The following CAMTA1 variants were observed in gnomAD, a reference collection of about 807,000 sequenced individuals.
The protein encoded by CAMTA1 is calmodulin binding transcription activator 1, also known as calmodulin-binding transcription activator 1.
CAMTA1 carries 27 observed loss-of-function variants against 170.9 expected under a neutral mutation model. That is an observed-to-expected ratio of 0.16 (90% CI 0.12 to 0.22). The LOEUF is 0.22. Ranked by LOEUF, CAMTA1 falls within the 10% of genes least tolerant of loss-of-function variation. The pLI is 1.00. For missense variants in CAMTA1, 1,619 were observed against 2,217.2 expected, an observed-to-expected ratio of 0.73 and a Z score of 5.42; for synonymous variants, 833 against 891.5, an observed-to-expected ratio of 0.93 and a Z score of 1.17.
At chr1:7,489,398 T>C (rs895339623) in intron 6 of CAMTA1, among the ~76,000 whole-genome samples, 14 of 152,140 alleles carry the variant, frequency 9.2e-5, no homozygotes, top group African/African-American at 3.4e-4. Context: ...GGCAGCTCTT[T>C]AGAGAGAGGC....
intron 16 of CAMTA1, among the ~76,000 whole-genome samples, chr1:7,740,528 A>T (rs2096804005): frequency 6.6e-6 from 1 of 152,226 alleles, no homozygotes; most frequent in Admixed American, 6.5e-5. Context: ...AAAAGAGGGG[A>T]ACCAACTGAG....
intron 6 of CAMTA1, among the ~76,000 whole-genome samples, chr1:7,502,920 C>G (rs562176787): frequency 6.6e-6 from 1 of 152,182 alleles, no homozygotes; most frequent in Non-Finnish European, 1.5e-5. Context: ...CCCCCTGCCC[C>G]GCACCCCATG....
At chr1:7,678,242 T>A (rs1294439169) in intron 11 of CAMTA1, among the ~76,000 whole-genome samples, 1 of 152,224 alleles carries the variant, frequency 6.6e-6, no homozygotes, top group Admixed American at 6.5e-5. Flanking sequence ...TGCTTCTGCC[T>A]TTTGGGGCTA....
chr1:7,679,582 C>A (rs528919306), intron 11 of CAMTA1, among the ~76,000 whole-genome samples: 46 of 151,852 alleles, frequency 3.0e-4, no homozygotes, highest in Non-Finnish European at 1.8e-4. Flanking sequence ...GCTGCCCCCC[C>A]CCCCAGAACT....
chr1:7,023,477 A>C (rs1297333409), intron 3 of CAMTA1, among the ~76,000 whole-genome samples: 1 of 152,242 alleles, frequency 6.6e-6, no homozygotes, highest in Admixed American at 6.5e-5. Flanking sequence ...TTTATGTTTC[A>C]GAAACTATAG....
chr1:7,268,433 A>G (rs577432354), intron 5 of CAMTA1, among the ~76,000 whole-genome samples: 35 of 152,350 alleles, frequency 2.3e-4, no homozygotes, highest in African/African-American at 8.2e-4. Context: ...CAGAACTGGG[A>G]ACCACTGTGA....
chr1:6,867,547 G>A (rs991546000), intron 3 of CAMTA1, among the ~76,000 whole-genome samples: 1 of 152,114 alleles, frequency 6.6e-6, no homozygotes, highest in East Asian at 1.9e-4. Context: ...GGCCACTTGC[G>A]GGTGAGCTAC....
At chr1:6,999,081 A>G (rs1486536366) in intron 3 of CAMTA1, among the ~76,000 whole-genome samples, 1 of 152,206 alleles carries the variant, frequency 6.6e-6, no homozygotes, top group Non-Finnish European at 1.5e-5. Context: ...TTATGTTTCT[A>G]TAGCCAGCGT....
At chr1:7,573,607 G>A (rs553113794) in intron 6 of CAMTA1, among the ~76,000 whole-genome samples, 1 of 152,178 alleles carries the variant, frequency 6.6e-6, no homozygotes, top group South Asian at 2.1e-4. Context: ...GCCTCCGCTG[G>A]CTCCTGGCAA....
intron 4 of CAMTA1, among the ~76,000 whole-genome samples, chr1:7,126,408 T>A (rs1484015634): frequency 6.6e-6 from 1 of 152,224 alleles, no homozygotes; most frequent in Non-Finnish European, 1.5e-5. Context: ...GGGTGTTTAA[T>A]TCTGAACTCT....
chr1:6,878,822 C>G (rs1184810149), intron 3 of CAMTA1, among the ~76,000 whole-genome samples: 3 of 152,212 alleles, frequency 2.0e-5, no homozygotes, highest in African/African-American at 7.2e-5. Context: ...TACCCCTCCT[C>G]AAAACCCTTC....
chr1:7,015,941 A>G (rs969747043), intron 3 of CAMTA1, among the ~76,000 whole-genome samples: 1 of 152,198 alleles, frequency 6.6e-6, no homozygotes, highest in Non-Finnish European at 1.5e-5. Context: ...ACACCTTCAA[A>G]CAGCCGGATC....
At chr1:7,390,968 T>A (rs1024601554) in intron 5 of CAMTA1, among the ~76,000 whole-genome samples, 1 of 152,022 alleles carries the variant, frequency 6.6e-6, no homozygotes, top group Non-Finnish European at 1.5e-5. Flanking sequence ...TTCCTGGGAC[T>A]GGGGACAGGT....
chr1:7,629,751 G>A (rs750398459), intron 6 of CAMTA1, among the ~76,000 whole-genome samples: 3 of 152,070 alleles, frequency 2.0e-5, no homozygotes, highest in Non-Finnish European at 4.4e-5. Flanking sequence ...CAGCAAGGAC[G>A]CCTCGGCCAT....
chr1:7,091,342 A>G lies in CAMTA1; in HGVS notation c.273A>G (p.Glu91=). 1 of 1,613,288 alleles carries G rather than the reference A, an allele frequency of 6.2e-7. No homozygotes were observed. Among genetic ancestry groups the G allele is most frequent in the Non-Finnish European group, 8.5e-7 (1 of 1,179,158 alleles). ...ATTTAATAACATTTGAGAAACACGA[A>G]GAATGGCTAACCACCTCCCCTAAGA... The part of the protein sequence containing the change: ...AAYLITFEKH[E]EWLTTSPKTR... The change falls in exon 4 of 23, where the codon GAA becomes GAG. Residue 91 remains glutamate, a synonymous_variant. Transcript: ENST00000303635.
Position 7,395,357 on chromosome 1 carries a change from T to G in CAMTA1, c.439-72473T>G, listed in dbSNP as rs1313696533. Among the ~76,000 whole-genome samples the G allele has an allele frequency of 2.0e-5, 3 of 152,214 alleles. No homozygotes were observed. In the East Asian group the frequency reaches 5.8e-4, roughly 29 times the overall value. Reference sequence around the variant, plus strand: ...TTCCCCAGTGTGTATTATTGTTGCCTTTGTTGAAAATTGGTTCCCTGTAAG... The same window carrying G: ...TTCCCCAGTGTGTATTATTGTTGCCGTTGTTGAAAATTGGTTCCCTGTAAG... On this transcript the variant is annotated intron_variant, in intron 5 of 22. Coordinates refer to ENST00000303635, the MANE Select transcript of CAMTA1 (RefSeq NM_015215.4).
chr1:7,291,219 C>A (rs1178501817), intron 5 of CAMTA1, among the ~76,000 whole-genome samples: 1 of 152,188 alleles, frequency 6.6e-6, no homozygotes, highest in South Asian at 2.1e-4. Flanking sequence ...GGGACGAAGA[C>A]GGGCAGAGAC....
Position 7,249,662 on chromosome 1 carries a change from G to A in CAMTA1, c.438+36G>A, listed in dbSNP as rs1414938624. The A allele has an allele frequency of 1.9e-6, 3 of 1,608,080 alleles. No homozygotes were observed. The highest frequency in any genetic ancestry group is 2.5e-6 in the Non-Finnish European group (3 of 1,176,564). ...GAAAAGGTTCCCTTGGTGCACAAAT[G>A]TCATTTGCAGGCTGCAGTGGAGAAT... On this transcript the variant is annotated intron_variant, in intron 5 of 22. Transcript: ENST00000303635. The surrounding 1 kb of genome is among the most constrained non-coding windows in gnomAD (Gnocchi z 4.4).
At chr1:7,755,554 T>G (rs774629052) in intron 21 of CAMTA1, 84 bp from the exon 22 acceptor site, 3 of 1,060,468 alleles carry the variant, frequency 2.8e-6, no homozygotes, top group Non-Finnish European at 2.9e-6. Flanking sequence ...TATATTCTTT[T>G]TTGTTGAAAT....
Sources: allele counts gnomAD v4.1 joint callset (sites outside exome capture counted in the v4.1 genomes callset), GRCh38; gene constraint gnomAD v4.1.1; non-coding constraint Gnocchi (gnomAD v3.1); transcripts MANE v1.5; gene names NCBI Gene and HGNC (gene_info 2026-07-23, HGNC 2026-07-21).